Variants in AGPAT4 observed in about 807,000 individuals in gnomAD.
AGPAT4 encodes the protein 1-acyl-sn-glycerol-3-phosphate acyltransferase delta.
Under a neutral mutation model 48.0 loss-of-function variants are expected in AGPAT4, and 15 were observed. The observed-to-expected ratio is 0.31, with a 90% CI of 0.21 to 0.48. The LOEUF (loss-of-function observed/expected upper bound fraction) is 0.48. Ranked by LOEUF, AGPAT4 falls within the 20% of genes least tolerant of loss-of-function variation. The pLI, the probability that AGPAT4 is intolerant of heterozygous loss-of-function variation, is 0.99. For synonymous variants in AGPAT4, 178 were observed against 198.7 expected (o/e 0.90, Z 0.88); for missense variants, 314 against 482.5 (o/e 0.65, Z 3.27).
At position 161,212,802 on chromosome 6, in the gene AGPAT4, G is replaced by A. The variant is rs1781552907; in HGVS notation, c.178+19234C>T. Among the ~76,000 whole-genome samples the A allele has an allele frequency of 6.6e-6, 1 of 152,110 alleles. No homozygotes were observed. Among genetic ancestry groups the A allele is most frequent in the South Asian group, 2.1e-4 (1 of 4,818 alleles). ...GAAGGTGGTTTTATAATCAGCTATAGAACTCTAACAGGTGTTCTTAAATGC... is the reference window on the plus strand; with the variant it reads ...GAAGGTGGTTTTATAATCAGCTATAAAACTCTAACAGGTGTTCTTAAATGC... On this transcript the variant is annotated intron_variant, in intron 2 of 8. Transcript: ENST00000320285. The surrounding 1 kb of genome is among the most constrained non-coding windows in gnomAD (Gnocchi z 6.1).
At position 161,140,309 on chromosome 6, in the gene AGPAT4, C is replaced by G. The variant is rs147490268; in HGVS notation, c.844-689G>C. The stretch of plus-strand genomic sequence containing the variant: ...TGACTCTTCTAAGTGATTGTTAGAC[C>G]GTGTGAAAGGTAAACAAACAGGCTC... On this transcript the variant is annotated intron_variant, in intron 7 of 8. Transcript: ENST00000320285. This position sits in a 1 kb window ranked among gnomAD's most constrained non-coding sequence, Gnocchi z 6.5. Among the ~76,000 whole-genome samples the G allele has an allele frequency of 6.6e-6, 1 of 152,192 alleles. No homozygotes were observed. Among genetic ancestry groups the G allele is most frequent in the Non-Finnish European group, 1.5e-5 (1 of 68,018 alleles).
chr6:161,136,706 T>A, intron 8 of AGPAT4, 72 bp from the exon 9 acceptor site: 1 of 1,361,780 alleles, frequency 7.3e-7, no homozygotes, highest in Non-Finnish European at 1.0e-6. Context: ...ACAGAGCAAG[T>A]GAGAAGGCCC....
chr6:161,212,620 T>A lies in AGPAT4; in HGVS notation c.178+19416A>T, dbSNP rs1781549725. 6.6e-6 allele frequency among the ~76,000 whole-genome samples: 1 copy of A among 152,232 alleles called. No individual in the cohort carries two copies. The highest frequency in any genetic ancestry group is 2.4e-5 in the African/African-American group (1 of 41,464). On this transcript the variant is annotated intron_variant, in intron 2 of 8. Transcript: ENST00000320285. The surrounding 1 kb of genome is among the most constrained non-coding windows in gnomAD (Gnocchi z 6.1). ...AGGGTAAACTCCTGTAATTCTAATA[T>A]GACTTAATGTACATTTTCAGTGATA...
rs1356152759 is a variant in AGPAT4 at position 161,134,391 on chromosome 6, T to G, written c.*2149A>C. 2 of 152,186 alleles carry G rather than the reference T, an allele frequency of 1.3e-5. No individual in the cohort carries two copies. Among genetic ancestry groups the G allele is most frequent in the African/African-American group, 4.8e-5 (2 of 41,446 alleles). The allele number at this position is 152,186 out of a possible 1,614,324, so 9.4% of individuals were successfully genotyped here. On this transcript the variant is annotated 3_prime_UTR_variant, in exon 9 of 9. Coordinates refer to ENST00000320285, the MANE Select transcript of AGPAT4 (RefSeq NM_020133.3). The stretch of plus-strand genomic sequence containing the variant: ...ATTACTTCTGTGTTGAATGGAAGAA[T>G]GAAAATGAGAAAAATAACACATTTT...
Position 161,217,842 on chromosome 6 carries a change from G to A in AGPAT4, c.178+14194C>T, listed in dbSNP as rs985052759. 6.6e-6 allele frequency among the ~76,000 whole-genome samples: 1 copy of A among 151,682 alleles called. No individual in the cohort carries two copies. Among genetic ancestry groups the A allele is most frequent in the Non-Finnish European group, 1.5e-5 (1 of 67,984 alleles). The stretch of plus-strand genomic sequence containing the variant: ...ACAGGACTCACAGGCAGCACAGCTG[G>A]TGCCTCTGCTCCCGCGGGGCCCTGC... On this transcript the variant is annotated intron_variant, in intron 2 of 8. Coordinates refer to ENST00000320285, the MANE Select transcript of AGPAT4 (RefSeq NM_020133.3). The surrounding 1 kb of genome is among the most constrained non-coding windows in gnomAD (Gnocchi z 4.9).
chr6:161,167,732 G>T lies in AGPAT4; in HGVS notation c.179-1315C>A, dbSNP rs548737290. On this transcript the variant is annotated intron_variant, in intron 2 of 8. Coordinates refer to ENST00000320285, the MANE Select transcript of AGPAT4 (RefSeq NM_020133.3). Reference sequence around the variant, plus strand: ...TGATGTGGAGCACCAGAGCCCTCTAGAAGGCATCACAGTCCAGTTTTTACG... The same window carrying T: ...TGATGTGGAGCACCAGAGCCCTCTATAAGGCATCACAGTCCAGTTTTTACG... 3.4e-4 allele frequency among the ~76,000 whole-genome samples: 52 copies of T among 152,352 alleles called. No individual in the cohort carries two copies. The Middle Eastern group carries it at 0.031, about 90-fold the overall frequency.
chr6:161,240,749 C>T lies in AGPAT4; in HGVS notation c.-89-8447G>A, dbSNP rs938197817. Among the ~76,000 whole-genome samples the T allele has an allele frequency of 2.6e-5, 4 of 152,096 alleles. No homozygotes were observed. The highest frequency in any genetic ancestry group is 4.8e-5 in the African/African-American group (2 of 41,398). On this transcript the variant is annotated intron_variant, in intron 1 of 8. Transcript: ENST00000320285. The surrounding 1 kb of genome is among the most constrained non-coding windows in gnomAD (Gnocchi z 5.5). ...TCAGATTGCCAGCACTCCTTCAGGT[C>T]GGATGAATGTGGCCAAAGTCTCCAC...
chr6:161,180,489 A>G lies in AGPAT4; in HGVS notation c.179-14072T>C, dbSNP rs982598683. ...TACGTGGGGAAATGGCCTTATGATC[A>G]TTAGCTCTAACCAACTTTAACAATT... is the stretch of plus-strand genomic sequence containing the variant. On this transcript the variant is annotated intron_variant, in intron 2 of 8. Coordinates refer to ENST00000320285, the MANE Select transcript of AGPAT4 (RefSeq NM_020133.3). The surrounding 1 kb of genome is among the most constrained non-coding windows in gnomAD (Gnocchi z 6.4). Among the ~76,000 whole-genome samples, 1 of 152,264 alleles carries G rather than the reference A, an allele frequency of 6.6e-6. No individual in the cohort carries two copies. Among genetic ancestry groups the G allele is most frequent in the Non-Finnish European group, 1.5e-5 (1 of 68,052 alleles).
At chr6:161,271,642 A>C (rs1392442582) in intron 1 of AGPAT4, among the ~76,000 whole-genome samples, 1 of 152,048 alleles carries the variant, frequency 6.6e-6, no homozygotes, top group Non-Finnish European at 1.5e-5. Context: ...TTTAACCTCT[A>C]CTCAGCATCT....
rs1351006722 is a variant in AGPAT4, at chr6:161,264,477, G to A, written c.-90+9461C>T. 1.3e-5 allele frequency among the ~76,000 whole-genome samples: 2 copies of A among 152,186 alleles called. No homozygotes were observed. The highest frequency in any genetic ancestry group is 2.4e-5 in the African/African-American group (1 of 41,454). ...AATACTCCCCACTTCCAGACCTAAC[G>A]TGGGGGCTGTTCTTCTCTAGGAAGT... On this transcript the variant is annotated intron_variant, in intron 1 of 8. Transcript: ENST00000320285. The surrounding 1 kb of genome is among the most constrained non-coding windows in gnomAD (Gnocchi z 6.8).
Position 161,245,910 on chromosome 6 carries a change from C to G in AGPAT4, c.-89-13608G>C, listed in dbSNP as rs1035130599. On this transcript the variant is annotated intron_variant, in intron 1 of 8. Transcript: ENST00000320285. This position sits in a 1 kb window ranked among gnomAD's most constrained non-coding sequence, Gnocchi z 5.2. ...ACCTGAAGAGAGACTTATTAGAAAA[C>G]AAATGCACTTAAATGCTTTTCTGAC... Among the ~76,000 whole-genome samples, 7 of 152,172 alleles carry G rather than the reference C, an allele frequency of 4.6e-5. No homozygotes were observed. Among genetic ancestry groups the G allele is most frequent in the African/African-American group, 1.4e-4 (6 of 41,426 alleles).
chr6:161,240,922 T>C lies in AGPAT4; in HGVS notation c.-89-8620A>G, dbSNP rs879757799. Among the ~76,000 whole-genome samples the C allele has an allele frequency of 2.6e-5, 4 of 152,122 alleles. No individual in the cohort carries two copies. The highest frequency in any genetic ancestry group is 7.2e-5 in the African/African-American group (3 of 41,402). The stretch of plus-strand genomic sequence containing the variant: ...GGAGAGAAAGTATTCTAGACTGGAT[T>C]TAACTGTCTTTGGGACGAGCTCTAA... On this transcript the variant is annotated intron_variant, in intron 1 of 8. Coordinates refer to ENST00000320285, the MANE Select transcript of AGPAT4 (RefSeq NM_020133.3). This position sits in a 1 kb window ranked among gnomAD's most constrained non-coding sequence, Gnocchi z 5.5.
At position 161,220,275 on chromosome 6, in the gene AGPAT4, G is replaced by GCTT. The variant is rs1323085130; in HGVS notation, c.178+11760_178+11761insAAG. The stretch of plus-strand genomic sequence containing the variant: ...CTCCTAAATAAACAAAAATGTGTTG[G>GCTT]CATGAAGGGTTCATTTTGGAATAAG... On this transcript the variant is annotated intron_variant, in intron 2 of 8. Transcript: ENST00000320285. The surrounding 1 kb of genome is among the most constrained non-coding windows in gnomAD (Gnocchi z 6.0). Among the ~76,000 whole-genome samples, 1 of 152,164 alleles carries GCTT rather than the reference G, an allele frequency of 6.6e-6. No individual in the cohort carries two copies. The highest frequency in any genetic ancestry group is 1.5e-5 in the Non-Finnish European group (1 of 68,042).
rs563026724 is a variant in AGPAT4 at position 161,216,201 on chromosome 6, G to A, written c.178+15835C>T. 6.6e-6 allele frequency among the ~76,000 whole-genome samples: 1 copy of A among 152,290 alleles called. No homozygotes were observed. The highest frequency in any genetic ancestry group is 2.1e-4 in the South Asian group (1 of 4,824). On this transcript the variant is annotated intron_variant, in intron 2 of 8. Transcript: ENST00000320285. This position sits in a 1 kb window ranked among gnomAD's most constrained non-coding sequence, Gnocchi z 4.8. ...TACAAGTTGGAGATGTCTCTGAAAG[G>A]GTTCTGAACCCACGTTGGGGTTGGG...
Position 161,233,583 on chromosome 6 carries a change from C to T in AGPAT4, c.-89-1281G>A, listed in dbSNP as rs879183947. Among the ~76,000 whole-genome samples, 3 of 152,200 alleles carry T rather than the reference C, an allele frequency of 2.0e-5. No individual in the cohort carries two copies. The highest frequency in any genetic ancestry group is 2.0e-4 in the Admixed American group (3 of 15,280). ...GAAATTTTAATTCGAGGCCATACAA[C>T]TCTTCTGTTTTTCACTTTCAGTACA... On this transcript the variant is annotated intron_variant, in intron 1 of 8. Transcript: ENST00000320285. The surrounding 1 kb of genome is among the most constrained non-coding windows in gnomAD (Gnocchi z 5.4).
At chr6:161,188,577 C>A (rs1169865654) in intron 2 of AGPAT4, among the ~76,000 whole-genome samples, 4 of 152,152 alleles carry the variant, frequency 2.6e-5, no homozygotes, top group African/African-American at 9.7e-5. Flanking sequence ...CCACGCAATA[C>A]TAAACGACAT....
At position 161,198,733 on chromosome 6, in the gene AGPAT4, G is replaced by C. The variant is rs1027647612; in HGVS notation, c.179-32316C>G. 1.4e-5 allele frequency among the ~76,000 whole-genome samples: 2 copies of C among 146,956 alleles called. No homozygotes were observed. The highest frequency in any genetic ancestry group is 2.7e-5 in the African/African-American group (1 of 36,914). On this transcript the variant is annotated intron_variant, in intron 2 of 8. Coordinates refer to ENST00000320285, the MANE Select transcript of AGPAT4 (RefSeq NM_020133.3). The surrounding 1 kb of genome is among the most constrained non-coding windows in gnomAD (Gnocchi z 4.3). Reference sequence around the variant, plus strand: ...TAGAAGGAACTCCGCAGAGTGCTGGGAACACTATATGCAGTCTGTTTTTTC... The same window carrying C: ...TAGAAGGAACTCCGCAGAGTGCTGGCAACACTATATGCAGTCTGTTTTTTC...
chr6:161,139,370 C>G lies in AGPAT4; in HGVS notation c.1042+52G>C. On this transcript the variant is annotated intron_variant, in intron 8 of 8. Coordinates refer to ENST00000320285, the MANE Select transcript of AGPAT4 (RefSeq NM_020133.3). This position sits in a 1 kb window ranked among gnomAD's most constrained non-coding sequence, Gnocchi z 9.1. ...GCCTTCGTCCCAGCCCTGATGCCAC[C>G]TCTCCCAGGGTGGTGCTGTCAGCAC... The G allele has an allele frequency of 6.3e-7, 1 of 1,591,802 alleles. No individual in the cohort carries two copies. Among genetic ancestry groups the G allele is most frequent in the Non-Finnish European group, 8.6e-7 (1 of 1,164,168 alleles).
chr6:161,165,556 ACT>A lies in AGPAT4; in HGVS notation c.348+690_348+691del. On this transcript the variant is annotated intron_variant, in intron 3 of 8. Transcript: ENST00000320285. This position sits in a 1 kb window ranked among gnomAD's most constrained non-coding sequence, Gnocchi z 5.5. ...CCCCAGACCAATGTACACTGTGTAC[ACT>A]GTGATTCCTACGGAATACCTGAGTA... 7.8e-7 allele frequency: 1 copy of A among 1,281,982 alleles called. No homozygotes were observed. The highest frequency in any genetic ancestry group is 1.0e-6 in the Non-Finnish European group (1 of 980,284). 79.4% of individuals were successfully genotyped at this position (1,281,982 alleles called of 1,614,324 possible). A position where few individuals can be genotyped will look rare whatever the true frequency, so the allele number is the denominator to read the frequency against.
Sources: gnomAD v4.1 joint callset for allele counts (sites outside exome capture counted in the v4.1 genomes callset) on GRCh38, gnomAD v4.1.1 for gene constraint, Gnocchi (gnomAD v3.1) non-coding constraint, MANE v1.5 for transcripts, NCBI Gene and HGNC (gene_info 2026-07-23, HGNC 2026-07-21) for gene names.